Variants in PIP5K1B observed in about 807,000 individuals in gnomAD.
The protein encoded by PIP5K1B is phosphatidylinositol 4-phosphate 5-kinase type-1 beta.
Under a neutral mutation model 67.0 loss-of-function variants are expected in PIP5K1B, and 42 were observed. The observed-to-expected ratio is 0.63, with a 90% CI of 0.49 to 0.81. The LOEUF (loss-of-function observed/expected upper bound fraction) is 0.81. PIP5K1B is among the 30% of genes least tolerant of loss of function. PIP5K1B has a pLI of 0.00. For missense variants in PIP5K1B, 459 were observed against 646.3 expected (o/e 0.71, Z 3.14); for synonymous variants, 214 against 231.4 (o/e 0.92, Z 0.68).
intron 14 of PIP5K1B, among the ~76,000 whole-genome samples, chr9:68,969,266 G>C (rs1052782356): frequency 1.5e-4 from 23 of 151,586 alleles, no homozygotes; most frequent in African/African-American, 5.6e-4. Context: ...TACTCGGGAG[G>C]CTGAGGCAGG....
intron 1 of PIP5K1B, among the ~76,000 whole-genome samples, chr9:68,713,315 C>T (rs939033363): frequency 3.3e-5 from 5 of 152,200 alleles, no homozygotes; most frequent in Non-Finnish European, 7.4e-5. Flanking sequence ...AGGAGAATCG[C>T]TTGAACCCGG....
chr9:68,917,802 GC>G, intron 9 of PIP5K1B, 43 bp downstream of exon 9: 2 of 1,415,132 alleles, frequency 1.4e-6, no homozygotes, highest in Non-Finnish European at 1.0e-6. Context: ...GACTGTGGCA[GC>G]CCACGTCACT....
At chr9:68,706,543 T>C (rs947747308) in intron 1 of PIP5K1B, among the ~76,000 whole-genome samples, 7 of 152,208 alleles carry the variant, frequency 4.6e-5, no homozygotes, top group African/African-American at 1.2e-4. Context: ...TTTGGGTAGA[T>C]TGATTAATTC....
chr9:68,732,100 C>G lies in PIP5K1B; in HGVS notation c.-242-10401C>G, dbSNP rs79071677. On this transcript the variant is annotated intron_variant, in intron 1 of 15. Transcript: ENST00000265382. ...ACGAGCTAGATTTGCTTGCTAGCCA[C>G]TCCTGAAATTCTTACTGTGATGTTG... Among the ~76,000 whole-genome samples the G allele has an allele frequency of 2.2e-4, 33 of 152,260 alleles. No homozygotes were observed. In the East Asian group the frequency reaches 6.4e-3, roughly 29 times the overall value.
At chr9:68,865,868 G>A (rs184363507) in intron 5 of PIP5K1B, among the ~76,000 whole-genome samples, 1 of 152,308 alleles carries the variant, frequency 6.6e-6, no homozygotes, top group Admixed American at 6.5e-5. Flanking sequence ...CACTGGCCTC[G>A]CCCATGACTT....
chr9:68,838,142 G>C (rs2132139053), intron 4 of PIP5K1B, among the ~76,000 whole-genome samples: 1 of 148,816 alleles, frequency 6.7e-6, no homozygotes, highest in Non-Finnish European at 1.5e-5. Context: ...GTTAGATCTT[G>C]ATTTATGTGA....
At chr9:68,713,928 G>A (rs1346610610) in intron 1 of PIP5K1B, among the ~76,000 whole-genome samples, 2 of 152,142 alleles carry the variant, frequency 1.3e-5, no homozygotes, top group South Asian at 2.1e-4. Context: ...GAAGGAAAGG[G>A]AAACCTAGTC....
chr9:68,779,977 A>T, intron 2 of PIP5K1B: 2 of 682,988 alleles, frequency 2.9e-6, no homozygotes, highest in Non-Finnish European at 4.4e-6. Flanking sequence ...CCGCGCACAT[A>T]TTACGCATTA....
chr9:68,751,170 A>G (rs758201557), intron 2 of PIP5K1B, among the ~76,000 whole-genome samples: 9 of 152,376 alleles, frequency 5.9e-5, no homozygotes, highest in Non-Finnish European at 1.2e-4. Flanking sequence ...CAGTATTGTT[A>G]TAACGGTTGT....
At chr9:68,744,485 T>C (rs1476060406) in intron 2 of PIP5K1B, among the ~76,000 whole-genome samples, 1 of 152,232 alleles carries the variant, frequency 6.6e-6, no homozygotes, top group Non-Finnish European at 1.5e-5. Context: ...ATGTCTAGTA[T>C]CATGGGATAG....
intron 6 of PIP5K1B, among the ~76,000 whole-genome samples, chr9:68,880,925 A>G (rs1396174864): frequency 6.6e-6 from 1 of 152,192 alleles, no homozygotes; most frequent in Non-Finnish European, 1.5e-5. Flanking sequence ...TCTATCTGGG[A>G]CTGCACCTAA....
intron 4 of PIP5K1B, among the ~76,000 whole-genome samples, chr9:68,832,714 G>A (rs1398481104): frequency 6.6e-6 from 1 of 152,162 alleles, no homozygotes; most frequent in Non-Finnish European, 1.5e-5. Flanking sequence ...CAGAAATTGG[G>A]TTCAATTACT....
intron 14 of PIP5K1B, among the ~76,000 whole-genome samples, chr9:68,953,919 G>A (rs1404551656): frequency 6.6e-6 from 1 of 151,700 alleles, no homozygotes; most frequent in East Asian, 1.9e-4. Context: ...GATGCTTCCA[G>A]TTTCTTGCTT....
At chr9:68,961,092 C>G (rs1388830932) in intron 14 of PIP5K1B, among the ~76,000 whole-genome samples, 1 of 151,982 alleles carries the variant, frequency 6.6e-6, no homozygotes, top group Non-Finnish European at 1.5e-5. Context: ...CGCCTGTAGT[C>G]CCAGCTACTC....
chr9:68,826,498 T>C (rs929730333), intron 4 of PIP5K1B, among the ~76,000 whole-genome samples: 7 of 152,232 alleles, frequency 4.6e-5, no homozygotes, highest in Non-Finnish European at 7.3e-5. Flanking sequence ...TTTTTAAAAA[T>C]ACACTCTGGG....
At chr9:68,909,970 T>C (rs1320345218) in intron 8 of PIP5K1B, among the ~76,000 whole-genome samples, 2 of 152,174 alleles carry the variant, frequency 1.3e-5, no homozygotes, top group Non-Finnish European at 2.9e-5. Context: ...ACGTATTGAA[T>C]GGGTTAATTT....
chr9:68,761,165 G>A (rs1008969866), intron 2 of PIP5K1B, among the ~76,000 whole-genome samples: 7 of 152,204 alleles, frequency 4.6e-5, no homozygotes, highest in South Asian at 4.1e-4. Flanking sequence ...ATTACATGGA[G>A]TGGACCAGAT....
At chr9:68,814,354 A>G (rs147320512) in intron 2 of PIP5K1B, among the ~76,000 whole-genome samples, 7 of 152,352 alleles carry the variant, frequency 4.6e-5, no homozygotes, top group African/African-American at 1.7e-4. Context: ...ATGAGTAAAA[A>G]TAAGTATAGT....
Position 68,789,487 on chromosome 9 carries a change from G to A in PIP5K1B, c.-85-28974G>A, listed in dbSNP as rs1831836094. ...TCACAGCCACAAAAAAAGATCTTGTGGTGGTAAACACTTAAGAGACAGTGG... is the reference window on the plus strand; with the variant it reads ...TCACAGCCACAAAAAAAGATCTTGTAGTGGTAAACACTTAAGAGACAGTGG... On this transcript the variant is annotated intron_variant, in intron 2 of 15. Coordinates refer to ENST00000265382, the MANE Select transcript of PIP5K1B (RefSeq NM_003558.4). 5 of 519,446 alleles carry A rather than the reference G, an allele frequency of 9.6e-6. No individual in the cohort carries two copies. In the East Asian group the frequency reaches 1.6e-4, roughly 17 times the overall value. 32.2% of individuals were successfully genotyped at this position (519,446 alleles called of 1,614,324 possible). A position where few individuals can be genotyped will look rare whatever the true frequency, so the allele number is the denominator to read the frequency against.
Sources: allele counts gnomAD v4.1 joint callset (sites outside exome capture counted in the v4.1 genomes callset), GRCh38; gene constraint gnomAD v4.1.1; transcripts MANE v1.5; gene names NCBI Gene and HGNC (gene_info 2026-07-23, HGNC 2026-07-21).